VPS41: variants seen among roughly 807,000 people sequenced by gnomAD.
VPS41 encodes the protein VPS41 subunit of HOPS complex.
VPS41 carries 85 observed loss-of-function variants against 130.9 expected under a neutral mutation model. The ratio of observed to expected loss-of-function variants is 0.65; its 90% CI spans 0.55 to 0.78. VPS41 has a LOEUF of 0.78. Among genes scored for constraint, VPS41 ranks in the 30% least tolerant of loss-of-function variants. VPS41 has a pLI of 0.00. For missense variants in VPS41, 874 were observed against 1,018.7 expected, an observed-to-expected ratio of 0.86 and a Z score of 1.93; for synonymous variants, 335 against 332.9, an observed-to-expected ratio of 1.01 and a Z score of -0.07.
At chr7:38,881,888 GCATA>G (rs755645895) in intron 2 of VPS41, among the ~76,000 whole-genome samples, 3 of 151,966 alleles carry the variant, frequency 2.0e-5, no homozygotes, top group Non-Finnish European at 4.4e-5. Flanking sequence ...AAAGTGCCTT[GCATA>G]CATATGGACA....
rs562768517 is a variant in VPS41, at chr7:38,763,544, T to C, written c.1333A>G (p.Ile445Val). The change falls in exon 17 of 29, where the codon ATT (isoleucine) becomes GTT (valine). Residue 445 changes from isoleucine to valine, a missense_variant. By Grantham distance (29) the Ile-to-Val change is conservative (BLOSUM62 3). Transcript: ENST00000310301. ...TCACCTCTTGGCAAATAAGGACTAATAGCCTAGGTAAGGAAAAGGGAAAAA... is the reference window on the plus strand; with the variant it reads ...TCACCTCTTGGCAAATAAGGACTAACAGCCTAGGTAAGGAAAAGGGAAAAA... ...KFKEIGQLKA[I>V]SPYLPRGDPV... 20 of 1,587,378 alleles carry C rather than the reference T, an allele frequency of 1.3e-5. No homozygotes were observed. In the South Asian group the frequency reaches 1.7e-4, roughly 14 times the overall value.
intron 22 of VPS41, among the ~76,000 whole-genome samples, chr7:38,750,070 T>C (rs904861773): frequency 6.6e-6 from 1 of 152,196 alleles, no homozygotes; most frequent in Non-Finnish European, 1.5e-5. Flanking sequence ...CTTGCTATGT[T>C]CACCAGGCTG....
Position 38,758,012 on chromosome 7 carries a change from G to A in VPS41, c.1550+342C>T, listed in dbSNP as rs541272951. Among the ~76,000 whole-genome samples, 11 of 152,272 alleles carry A rather than the reference G, an allele frequency of 7.2e-5. No homozygotes were observed. In the South Asian group the frequency reaches 2.3e-3, roughly 32 times the overall value. On this transcript the variant is annotated intron_variant, in intron 18 of 28. Coordinates refer to ENST00000310301, the MANE Select transcript of VPS41 (RefSeq NM_014396.4). ...TTTGAGAGATTAAATTAACTGACTT[G>A]AAGACCCTAGAAGAGCAGAATCCAG...
intron 3 of VPS41, among the ~76,000 whole-genome samples, chr7:38,867,600 A>G (rs1230712710): frequency 2.0e-5 from 3 of 152,108 alleles, no homozygotes. Context: ...GTGGGTAAGA[A>G]TGGGTGTGAA....
intron 13 of VPS41, 26 bp from the exon 14 acceptor site, chr7:38,771,280 T>TAAAAA: frequency 1.5e-6 from 2 of 1,298,434 alleles, no homozygotes; most frequent in Non-Finnish European, 2.1e-6. Flanking sequence ...AAGGATGATT[T>TAAAAA]AAAAAAAAAA....
chr7:38,869,348 C>A (rs1786296634), intron 2 of VPS41, 95 bp from the exon 3 acceptor site: 2 of 772,510 alleles, frequency 2.6e-6, no homozygotes, highest in Admixed American at 5.0e-5. Context: ...AGAGATGGTT[C>A]CTTCAATGAT....
intron 13 of VPS41, 24 bp downstream of exon 13, chr7:38,772,498 T>C: frequency 6.7e-7 from 1 of 1,482,600 alleles, no homozygotes; most frequent in Non-Finnish European, 9.4e-7. Context: ...GTCAATACTT[T>C]CAAAGAAGTA....
intron 7 of VPS41, among the ~76,000 whole-genome samples, chr7:38,798,586 C>G (rs890649176): frequency 6.6e-6 from 1 of 152,166 alleles, no homozygotes; most frequent in Non-Finnish European, 1.5e-5. Flanking sequence ...AGCAACCACG[C>G]CTGGCCACAA....
At chr7:38,764,358 CA>C (rs1236524999) in intron 16 of VPS41, among the ~76,000 whole-genome samples, 1 of 152,074 alleles carries the variant, frequency 6.6e-6, no homozygotes, top group Admixed American at 6.6e-5. Context: ...CAGAGGAGCC[CA>C]GAGATGCGAG....
intron 4 of VPS41, among the ~76,000 whole-genome samples, chr7:38,857,979 A>G (rs927256265): frequency 3.3e-5 from 5 of 152,210 alleles, no homozygotes; most frequent in African/African-American, 2.4e-5. Context: ...GAGTTAAGTT[A>G]TCAGCAGAAA....
In VPS41 at chr7:38,810,091, T is replaced by G. The variant is rs555187761; in HGVS notation, c.450+7726A>C. On this transcript the variant is annotated intron_variant, in intron 7 of 28. Transcript: ENST00000310301. Reference sequence around the variant, plus strand: ...TCTCTCCAATGGCACTTTTAAGAGATGTGCTTTCTCTTTTTTTTTTTTCAA... The same window carrying G: ...TCTCTCCAATGGCACTTTTAAGAGAGGTGCTTTCTCTTTTTTTTTTTTCAA... 3.3e-3 allele frequency among the ~76,000 whole-genome samples: 490 copies of G among 149,600 alleles called. 3 individuals carry two copies. The highest frequency in any genetic ancestry group is 0.011 in the African/African-American group (466 of 41,392).
At chr7:38,850,118 T>C (rs1348946537) in intron 4 of VPS41, among the ~76,000 whole-genome samples, 2 of 152,220 alleles carry the variant, frequency 1.3e-5, no homozygotes, top group Non-Finnish European at 2.9e-5. Flanking sequence ...AAATAAGAAG[T>C]TGTGTCCAAA....
At chr7:38,821,347 TAAGAA>T in intron 5 of VPS41, 82 bp from the exon 6 acceptor site, 3 of 894,808 alleles carry the variant, frequency 3.4e-6, no homozygotes, top group Non-Finnish European at 5.4e-6. Flanking sequence ...ATACTATCAA[TAAGAA>T]AAGTAGAATA....
Position 38,857,983 on chromosome 7 carries a change from G to C in VPS41, c.246+4562C>G, listed in dbSNP as rs150503197. On this transcript the variant is annotated intron_variant, in intron 4 of 28. Coordinates refer to ENST00000310301, the MANE Select transcript of VPS41 (RefSeq NM_014396.4). ...ACTGGTTGAAAGAGTTAAGTTATCA[G>C]CAGAAAGAATCAGCAGAAAGGAGTA... Among the ~76,000 whole-genome samples, 558 of 152,306 alleles carry C rather than the reference G, an allele frequency of 3.7e-3. 7 individuals are homozygous for C. Among genetic ancestry groups the C allele is most frequent in the African/African-American group, 0.013 (525 of 41,566 alleles).
intron 2 of VPS41, among the ~76,000 whole-genome samples, chr7:38,892,233 A>C (rs6978805): frequency 0.89 from 134,664 of 151,888 alleles, 59,771 homozygotes; most frequent in East Asian, 1. Context: ...CAGAGAGTCA[A>C]AAGGAAGTTA....
intron 2 of VPS41, among the ~76,000 whole-genome samples, chr7:38,873,922 A>G (rs1436140552): frequency 6.6e-6 from 1 of 152,212 alleles, no homozygotes; most frequent in East Asian, 1.9e-4. Context: ...TTCTCCCTGA[A>G]AAACTGTTTA....
chr7:38,876,313 A>G (rs535354767), intron 2 of VPS41, among the ~76,000 whole-genome samples: 11 of 152,224 alleles, frequency 7.2e-5, no homozygotes, highest in Non-Finnish European at 1.3e-4. Flanking sequence ...ACAAAAAGAA[A>G]TGTTCTCACA....
chr7:38,785,350 A>G (rs573303459), intron 10 of VPS41, among the ~76,000 whole-genome samples: 1 of 152,382 alleles, frequency 6.6e-6, no homozygotes, highest in South Asian at 2.1e-4. Context: ...AGTGAAATTG[A>G]AAAGAATGGC....
intron 2 of VPS41, among the ~76,000 whole-genome samples, chr7:38,871,060 C>T (rs551633881): frequency 9.9e-5 from 15 of 152,164 alleles, no homozygotes; most frequent in Non-Finnish European, 2.1e-4. Context: ...TCATTACAGT[C>T]CCAGAAGGAT....
Sources: allele counts gnomAD v4.1 joint callset (sites outside exome capture counted in the v4.1 genomes callset), GRCh38; gene constraint gnomAD v4.1.1; transcripts MANE v1.5; gene names NCBI Gene and HGNC (gene_info 2026-07-23, HGNC 2026-07-21).